The following PIWIL3 variants were observed in gnomAD, a reference collection of about 807,000 sequenced individuals.
The protein encoded by PIWIL3 is piwi like RNA-mediated gene silencing 3.
In PIWIL3, 101 loss-of-function variants were observed where a neutral mutation model predicts 109.7. The ratio of observed to expected loss-of-function variants is 0.92; its 90% CI spans 0.78 to 1.09. The LOEUF is 1.09. Ranked by LOEUF, PIWIL3 falls within the 50% of genes least tolerant of loss-of-function variation. The pLI is 0.00. For missense variants in PIWIL3, 1,031 were observed against 1,072.6 expected (o/e 0.96, Z 0.54); for synonymous variants, 373 against 376.4 (o/e 0.99, Z 0.10).
chr22:24,723,337 C>T (rs1922790156), intron 18 of PIWIL3, 82 bp from the exon 19 acceptor site: 1 of 1,379,156 alleles, frequency 7.3e-7, no homozygotes, highest in Non-Finnish European at 1.0e-6. Flanking sequence ...ATCTGCTTTA[C>T]ATTTAGGACC....
intron 16 of PIWIL3, among the ~76,000 whole-genome samples, chr22:24,726,697 T>C (rs1216712560): frequency 1.3e-5 from 2 of 152,266 alleles, no homozygotes; most frequent in Non-Finnish European, 2.9e-5. Context: ...ATTGAAAGTA[T>C]AATTTTTCCC....
intron 8 of PIWIL3, among the ~76,000 whole-genome samples, chr22:24,752,506 T>C (rs1399496568): frequency 6.6e-6 from 1 of 152,062 alleles, no homozygotes. Flanking sequence ...AGACACCACC[T>C]CCTCAAGCCC....
chr22:24,759,811 G>A (rs1286656421), intron 3 of PIWIL3, 58 bp downstream of exon 3: 2 of 1,610,884 alleles, frequency 1.2e-6, no homozygotes, highest in African/African-American at 2.7e-5. Context: ...TACCGCTGTG[G>A]TAGCCCTTCA....
intron 14 of PIWIL3, among the ~76,000 whole-genome samples, chr22:24,728,876 G>A (rs1474864656): frequency 6.6e-6 from 1 of 152,072 alleles, no homozygotes; most frequent in East Asian, 1.9e-4. Flanking sequence ...CCATTTACAG[G>A]ACTATCACTG....
chr22:24,748,152 C>T (rs1290348918), intron 12 of PIWIL3, among the ~76,000 whole-genome samples: 1 of 152,128 alleles, frequency 6.6e-6, no homozygotes, highest in Admixed American at 6.6e-5. Flanking sequence ...CTGAAGGTCA[C>T]TGTGTTAAAT....
At chr22:24,749,947 C>G in intron 9 of PIWIL3, 128 bp from the exon 10 acceptor site, 1 of 1,266,468 alleles carries the variant, frequency 7.9e-7, no homozygotes, top group Middle Eastern at 2.0e-4. Flanking sequence ...TATAGGTTCC[C>G]CAAGTTTAAT....
intron 13 of PIWIL3, 76 bp downstream of exon 13, chr22:24,735,632 C>T: frequency 1.4e-6 from 2 of 1,380,848 alleles, no homozygotes; most frequent in Non-Finnish European, 2.0e-6. Flanking sequence ...CCAATTCCTA[C>T]AATTTAATAT....
intron 19 of PIWIL3, among the ~76,000 whole-genome samples, chr22:24,720,779 T>G (rs2147641310): frequency 6.6e-6 from 1 of 152,316 alleles, no homozygotes; most frequent in East Asian, 1.9e-4. Context: ...ACTCTTGGTA[T>G]GAATATCATT....
chr22:24,742,818 C>G (rs532956247), intron 12 of PIWIL3, among the ~76,000 whole-genome samples: 1 of 152,142 alleles, frequency 6.6e-6, no homozygotes, highest in Non-Finnish European at 1.5e-5. Context: ...ATCAGAAAAA[C>G]CCTTCTAGAC....
intron 1 of PIWIL3, among the ~76,000 whole-genome samples, chr22:24,768,162 C>T (rs541571311): frequency 4.0e-4 from 61 of 152,258 alleles, no homozygotes; most frequent in African/African-American, 1.5e-3. Flanking sequence ...ACATTTGCCA[C>T]TGTTTTGTGA....
chr22:24,738,557 G>T (rs1427351485), intron 12 of PIWIL3, among the ~76,000 whole-genome samples: 1 of 152,238 alleles, frequency 6.6e-6, no homozygotes, highest in Non-Finnish European at 1.5e-5. Context: ...CAGAGACACA[G>T]AAAGTAAGCA....
intron 19 of PIWIL3, among the ~76,000 whole-genome samples, chr22:24,722,262 T>G (rs182945874): frequency 0.011 from 1,668 of 152,212 alleles, 29 homozygotes; most frequent in African/African-American, 0.038. Context: ...TTTTGTATTT[T>G]TAGTGGAGAC....
chr22:24,744,178 T>TA (rs1188611412), intron 12 of PIWIL3, among the ~76,000 whole-genome samples: 840 of 34,238 alleles, frequency 0.025, 84 homozygotes, highest in African/African-American at 0.03. Context: ...GTGACCGAAT[T>TA]AAAAAAAAAA....
chr22:24,771,355 G>C (rs1240221489), intron 1 of PIWIL3, among the ~76,000 whole-genome samples: 1 of 151,710 alleles, frequency 6.6e-6, no homozygotes, highest in Non-Finnish European at 1.5e-5. Flanking sequence ...GCGGGCGCCT[G>C]TAGTCCCAGC....
chr22:24,752,166 T>C (rs1272961790), intron 8 of PIWIL3, among the ~76,000 whole-genome samples: 1 of 152,150 alleles, frequency 6.6e-6, no homozygotes, highest in Admixed American at 6.6e-5. Context: ...GTAAAAGTTC[T>C]CGGTGGAATT....
intron 1 of PIWIL3, among the ~76,000 whole-genome samples, chr22:24,764,625 CGTGTGTGTGTGTGT>C (rs140531011): frequency 0.02 from 2,735 of 134,690 alleles, 35 homozygotes; most frequent in Middle Eastern, 0.042. Context: ...TTGACCTTGC[CGTGTGTGTGTGTGT>C]GTGTGTGTGT....
chr22:24,765,527 T>C (rs1483284009), intron 1 of PIWIL3, among the ~76,000 whole-genome samples: 2 of 152,216 alleles, frequency 1.3e-5, no homozygotes, highest in South Asian at 2.1e-4. Context: ...TTTAATTATT[T>C]TAAAATATTT....
At chr22:24,744,191 A>AC (rs1349914089) in intron 12 of PIWIL3, among the ~76,000 whole-genome samples, 3 of 147,332 alleles carry the variant, frequency 2.0e-5, no homozygotes, top group African/African-American at 7.4e-5. Flanking sequence ...AAAAAAAAAA[A>AC]AAAAAAAAAA....
chr22:24,722,530 C>T (rs1428557100), intron 19 of PIWIL3, among the ~76,000 whole-genome samples: 3 of 151,740 alleles, frequency 2.0e-5, no homozygotes, highest in East Asian at 2.0e-4. Flanking sequence ...CTGGCCAACA[C>T]GGTGAAACCC....
Sources: allele counts gnomAD v4.1 joint callset (sites outside exome capture counted in the v4.1 genomes callset), GRCh38; gene constraint gnomAD v4.1.1; transcripts MANE v1.5; gene names NCBI Gene and HGNC (gene_info 2026-07-23, HGNC 2026-07-21).